RHBDL2: variants seen among roughly 807,000 people sequenced by gnomAD.
The protein encoded by RHBDL2 is rhomboid like 2, also known as rhomboid-related protein 2.
RHBDL2 carries 26 observed loss-of-function variants against 31.7 expected under a neutral mutation model. That is an observed-to-expected ratio of 0.82 (90% confidence interval 0.60 to 1.14). The LOEUF (loss-of-function observed/expected upper bound fraction) is 1.14, where lower values mean the gene tolerates loss of function less well. Among genes scored for constraint, RHBDL2 ranks in the 50% most tolerant of loss-of-function variants. The pLI is 0.00. For missense variants in RHBDL2, 336 were observed against 364.4 expected (o/e 0.92, Z 0.63); for synonymous variants, 123 against 127.2 (o/e 0.97, Z 0.22).
intron 5 of RHBDL2, among the ~76,000 whole-genome samples, chr1:38,894,697 C>CT (rs1422493131): frequency 0.035 from 2,374 of 67,368 alleles, 79 homozygotes; most frequent in African/African-American, 0.086. Flanking sequence ...TCTTTTTTTT[C>CT]TTTTTTTTTC....
chr1:38,902,832 G>A (rs565803264), intron 4 of RHBDL2, among the ~76,000 whole-genome samples: 36 of 151,784 alleles, frequency 2.4e-4, no homozygotes, highest in Non-Finnish European at 5.2e-4. Flanking sequence ...GATTACAGGC[G>A]TGAGCCACCA....
intron 1 of RHBDL2, among the ~76,000 whole-genome samples, chr1:38,934,022 T>A (rs1256869135): frequency 6.6e-6 from 1 of 152,104 alleles, no homozygotes; most frequent in East Asian, 1.9e-4. Flanking sequence ...TCCACCGTGC[T>A]GTGTCCACAA....
chr1:38,910,930 C>CT (rs1643131657), intron 4 of RHBDL2, among the ~76,000 whole-genome samples: 1 of 60,700 alleles, frequency 1.6e-5, no homozygotes, highest in Non-Finnish European at 5.9e-5. Context: ...AGGGGTGAGC[C>CT]ACCACCCCCA....
At chr1:38,909,577 A>G (rs997669114) in intron 4 of RHBDL2, among the ~76,000 whole-genome samples, 1 of 151,992 alleles carries the variant, frequency 6.6e-6, no homozygotes, top group Non-Finnish European at 1.5e-5. Flanking sequence ...CCCCATCTCT[A>G]CTAAAAATAC....
At chr1:38,938,454 C>G (rs570488680) in intron 1 of RHBDL2, among the ~76,000 whole-genome samples, 106 of 152,166 alleles carry the variant, frequency 7.0e-4, no homozygotes, top group Non-Finnish European at 1.1e-3. Context: ...ACCCTATGCC[C>G]CAGCCACACT....
At chr1:38,932,604 T>C (rs1643450186) in intron 1 of RHBDL2, among the ~76,000 whole-genome samples, 1 of 152,078 alleles carries the variant, frequency 6.6e-6, no homozygotes, top group Non-Finnish European at 1.5e-5. Context: ...GGACTACAGG[T>C]GAGCGCCACC....
Position 38,893,238 on chromosome 1 carries a change from A to G in RHBDL2, c.610-14T>C, listed in dbSNP as rs1311074765. 2.7e-5 allele frequency: 36 copies of G among 1,311,504 alleles called. No individual in the cohort carries two copies. Among genetic ancestry groups the G allele is most frequent in the Non-Finnish European group, 3.9e-5 (36 of 912,016 alleles). The allele number at this position is 1,311,504 out of a possible 1,614,324, so 81.2% of individuals were successfully genotyped here. On this transcript the variant is annotated splice_polypyrimidine_tract_variant and intron_variant, in intron 5 of 7. Transcript: ENST00000372990. Reference sequence around the variant, plus strand: ...TTCTTGAAAATTCTTAAAAAGAGATAAATAATAATTATATAAGCTATCTAT... The same window carrying G: ...TTCTTGAAAATTCTTAAAAAGAGATGAATAATAATTATATAAGCTATCTAT...
intron 3 of RHBDL2, among the ~76,000 whole-genome samples, chr1:38,911,921 T>G (rs1471171056): frequency 4.0e-5 from 6 of 151,666 alleles, no homozygotes; most frequent in Admixed American, 3.9e-4. Flanking sequence ...ATTCTCCCGC[T>G]TCAGCCTCCC....
intron 2 of RHBDL2, among the ~76,000 whole-genome samples, chr1:38,918,031 T>C (rs1323244906): frequency 2.0e-5 from 3 of 152,216 alleles, no homozygotes; most frequent in Non-Finnish European, 4.4e-5. Flanking sequence ...AGCAGAACTC[T>C]ACCTTTGGAC....
chr1:38,895,495 GA>G (rs575910833), intron 5 of RHBDL2, among the ~76,000 whole-genome samples: 1 of 151,664 alleles, frequency 6.6e-6, no homozygotes, highest in Non-Finnish European at 1.5e-5. Flanking sequence ...TTTGAAATGA[GA>G]AAAAAAATGA....
At chr1:38,919,622 A>G (rs77412225) in intron 1 of RHBDL2, among the ~76,000 whole-genome samples, 1 of 143,280 alleles carries the variant, frequency 7.0e-6, no homozygotes, top group East Asian at 2.0e-4. Context: ...TTTTTTTTTT[A>G]TGAGGTGGAG....
chr1:38,931,366 A>G (rs1402936819), intron 1 of RHBDL2, among the ~76,000 whole-genome samples: 1 of 152,006 alleles, frequency 6.6e-6, no homozygotes, highest in Non-Finnish European at 1.5e-5. Flanking sequence ...CTAAAAATAC[A>G]AAAAATTAGC....
intron 2 of RHBDL2, among the ~76,000 whole-genome samples, chr1:38,917,081 G>C (rs1246843909): frequency 7.2e-6 from 1 of 139,688 alleles, no homozygotes; most frequent in Non-Finnish European, 1.5e-5. Context: ...GCAGTGGCGT[G>C]ATCTCAGCTC....
chr1:38,919,380 T>TA lies in RHBDL2; in HGVS notation c.-125-44dup, dbSNP rs780189451. On this transcript the variant is annotated intron_variant, in intron 1 of 7. Transcript: ENST00000372990. ...ACAGCTGAAGATGATCAAAATGATCTAAACCTCCTAAATGGCCCAAAATAA... is the reference window on the plus strand; with the variant it reads ...ACAGCTGAAGATGATCAAAATGATCTAAAACCTCCTAAATGGCCCAAAATAA... The TA allele has an allele frequency of 7.1e-5, 106 of 1,497,178 alleles. 1 individual carries two copies. In the South Asian group the frequency reaches 9.7e-4, roughly 14 times the overall value. 92.7% of individuals were successfully genotyped at this position (1,497,178 alleles called of 1,614,324 possible).
At chr1:38,888,045 A>T in intron 6 of RHBDL2, 21 bp from the exon 7 acceptor site, 3 of 1,577,188 alleles carry the variant, frequency 1.9e-6, no homozygotes, top group Non-Finnish European at 2.6e-6. Flanking sequence ...AAACACCCTG[A>T]TAAAGGCTCA....
chr1:38,938,402 G>T (rs943084682), intron 1 of RHBDL2, among the ~76,000 whole-genome samples: 2 of 152,068 alleles, frequency 1.3e-5, no homozygotes, highest in African/African-American at 4.8e-5. Context: ...CCTGAACCCT[G>T]CCTATTTATC....
intron 1 of RHBDL2, among the ~76,000 whole-genome samples, chr1:38,935,522 C>T (rs1230618704): frequency 6.6e-6 from 1 of 152,192 alleles, no homozygotes; most frequent in African/African-American, 2.4e-5. Flanking sequence ...TAAATATCTA[C>T]TTTATAGATT....
rs541944728 is a variant in RHBDL2, at chr1:38,924,763, G to C, written c.-125-5426C>G. ...GACTACCTTAAAAAAAAAATCTGTT[G>C]AAAAGAGATTTCTTTTTTCTTTTTT... On this transcript the variant is annotated intron_variant, in intron 1 of 7. Transcript: ENST00000372990. Among the ~76,000 whole-genome samples, 9 of 148,556 alleles carry C rather than the reference G, an allele frequency of 6.1e-5. No homozygotes were observed. In the South Asian group the frequency reaches 1.7e-3, roughly 28 times the overall value.
At chr1:38,908,737 A>G (rs988273482) in intron 4 of RHBDL2, among the ~76,000 whole-genome samples, 4 of 152,056 alleles carry the variant, frequency 2.6e-5, no homozygotes, top group Admixed American at 6.6e-5. Context: ...CTGAAGCCCC[A>G]GTGGGCATGT....
Sources: allele counts gnomAD v4.1 joint callset (sites outside exome capture counted in the v4.1 genomes callset), GRCh38; gene constraint gnomAD v4.1.1; transcripts MANE v1.5; gene names NCBI Gene and HGNC (gene_info 2026-07-23, HGNC 2026-07-21).